RMST: variants seen among roughly 807,000 people sequenced by gnomAD.
The protein encoded by RMST is rhabdomyosarcoma 2 associated transcript.
chr12:97,506,352 C>G (rs1480525136), intron 10 of RMST, among the ~76,000 whole-genome samples: 2 of 152,144 alleles, frequency 1.3e-5, no homozygotes, highest in Non-Finnish European at 1.5e-5. Context: ...GAGCCTCTTT[C>G]CCTATGTGAA....
intron 5 of RMST, among the ~76,000 whole-genome samples, chr12:97,489,960 C>T (rs2136446396): frequency 6.6e-6 from 1 of 152,300 alleles, no homozygotes; most frequent in South Asian, 2.1e-4. Context: ...CAGGATTTGA[C>T]CTCAGTAGGC....
At chr12:97,492,113 T>C (rs1236465236) in intron 5 of RMST, 1 of 375,610 alleles carries the variant, frequency 2.7e-6, no homozygotes, top group Non-Finnish European at 5.7e-6. Context: ...AAATTGACAG[T>C]ACTGTGAAGA....
At chr12:97,518,708 G>A (rs1444181186) in intron 10 of RMST, among the ~76,000 whole-genome samples, 5 of 152,010 alleles carry the variant, frequency 3.3e-5, no homozygotes, top group Non-Finnish European at 7.3e-5. Context: ...TTTCCTCCTG[G>A]AAAACCAATT....
chr12:97,473,691 A>G (rs1007693042), intron 5 of RMST, among the ~76,000 whole-genome samples: 3 of 152,136 alleles, frequency 2.0e-5, no homozygotes, highest in Non-Finnish European at 4.4e-5. Context: ...TTCCAAATAA[A>G]ACTTAACATT....
At position 97,493,148 on chromosome 12, in the gene RMST, A is replaced by G. The variant is rs190970941; in HGVS notation, n.791-29A>G. Reference sequence around the variant, plus strand: ...CGTATGCTTAATTCATTCAGAAACTACACGATTTTTGTTGCTATATTTTGT... The same window carrying G: ...CGTATGCTTAATTCATTCAGAAACTGCACGATTTTTGTTGCTATATTTTGT... On this transcript the variant is annotated intron_variant and non_coding_transcript_variant, in intron 6 of 13. Coordinates refer to ENST00000640149, the Ensembl canonical transcript of RMST. 7 of 152,758 alleles carry G rather than the reference A, an allele frequency of 4.6e-5. No homozygotes were observed. In the East Asian group the frequency reaches 1.4e-3, roughly 29 times the overall value. 9.5% of individuals were successfully genotyped at this position (152,758 alleles called of 1,614,324 possible).
At chr12:97,505,618 C>T (rs917677170) in intron 10 of RMST, among the ~76,000 whole-genome samples, 9 of 152,326 alleles carry the variant, frequency 5.9e-5, no homozygotes, top group African/African-American at 1.4e-4. Flanking sequence ...ACTTACAAAA[C>T]GCACATATTT....
At chr12:97,563,389 C>T (rs896628387) in intron 13 of RMST, 3 of 213,678 alleles carry the variant, frequency 1.4e-5, no homozygotes, top group African/African-American at 7.1e-5. Context: ...AATGAAAAGT[C>T]TAAAAGCCAG....
At chr12:97,494,772 A>G (rs1319978254) in exon 9 of RMST, 1 of 152,154 alleles carries the variant, frequency 6.6e-6, no homozygotes, top group African/African-American at 2.4e-5. Flanking sequence ...AACTCCGATT[A>G]TTACCAAAGA....
At chr12:97,489,206 G>A (rs1053982688) in intron 5 of RMST, among the ~76,000 whole-genome samples, 4 of 152,182 alleles carry the variant, frequency 2.6e-5, no homozygotes, top group Non-Finnish European at 5.9e-5. Context: ...GGCACTTTGG[G>A]AAGCTGAGGT....
intron 11 of RMST, among the ~76,000 whole-genome samples, chr12:97,549,300 T>C (rs1301997519): frequency 6.6e-6 from 1 of 152,202 alleles, no homozygotes; most frequent in Non-Finnish European, 1.5e-5. Context: ...TGTATTCACT[T>C]AATTCATCAA....
intron 11 of RMST, among the ~76,000 whole-genome samples, chr12:97,547,470 C>T (rs998662926): frequency 1.3e-5 from 2 of 152,042 alleles, no homozygotes; most frequent in Non-Finnish European, 2.9e-5. Flanking sequence ...AATCTTCATA[C>T]TGTTTTCCAT....
intron 11 of RMST, among the ~76,000 whole-genome samples, chr12:97,549,420 G>A (rs969299328): frequency 2.2e-4 from 33 of 152,224 alleles, no homozygotes; most frequent in African/African-American, 7.7e-4. Flanking sequence ...TATTTACTGG[G>A]GTATGTCTTT....
chr12:97,494,923 T>C (rs887507413), intron 9 of RMST: 2 of 152,140 alleles, frequency 1.3e-5, no homozygotes, highest in African/African-American at 4.8e-5. Flanking sequence ...TTTCATACGA[T>C]TTTACTTATG....
intron 10 of RMST, among the ~76,000 whole-genome samples, chr12:97,513,070 C>T (rs932592656): frequency 6.6e-6 from 1 of 152,220 alleles, no homozygotes; most frequent in African/African-American, 2.4e-5. Context: ...CCGGAACTCG[C>T]GCAGGCCCGC....
chr12:97,475,289 A>G (rs1848226639), intron 5 of RMST, among the ~76,000 whole-genome samples: 1 of 152,112 alleles, frequency 6.6e-6, no homozygotes, highest in Admixed American at 6.6e-5. Flanking sequence ...ATATTCTAGT[A>G]TTTGCGCATA....
chr12:97,548,404 G>A (rs1883089359), intron 11 of RMST, among the ~76,000 whole-genome samples: 1 of 151,936 alleles, frequency 6.6e-6, no homozygotes, highest in Non-Finnish European at 1.5e-5. Flanking sequence ...ACAAATTTTA[G>A]GATTTTTTTC....
At chr12:97,564,361 T>A (rs944282829) in exon 14 of RMST, 19 of 156,004 alleles carry the variant, frequency 1.2e-4, no homozygotes, top group Admixed American at 6.3e-5. Context: ...CAACTCCTCC[T>A]GAGAGCCATA....
chr12:97,504,395 C>T (rs1316896825), intron 10 of RMST, among the ~76,000 whole-genome samples: 2 of 87,628 alleles, frequency 2.3e-5, no homozygotes, highest in African/African-American at 9.0e-5. Context: ...CAGAGTGAGA[C>T]TTCATTTCAA....
exon 13 of RMST, chr12:97,560,978 G>A (rs1333084531): frequency 6.6e-6 from 1 of 152,384 alleles, no homozygotes; most frequent in Non-Finnish European, 1.5e-5. Flanking sequence ...CAGAAAATGA[G>A]AAAGTAGAGC....
Sources: gnomAD v4.1 joint callset for allele counts (sites outside exome capture counted in the v4.1 genomes callset) on GRCh38, gnomAD v4.1.1 for gene constraint, MANE v1.5 for transcripts, NCBI Gene and HGNC (gene_info 2026-07-23, HGNC 2026-07-21) for gene names.